PDE4C: variants seen among roughly 807,000 people sequenced by gnomAD.
PDE4C encodes 3',5'-cyclic-AMP phosphodiesterase 4C.
Under a neutral mutation model 63.9 loss-of-function variants are expected in PDE4C, and 50 were observed. The ratio of observed to expected loss-of-function variants is 0.78; its 90% CI spans 0.62 to 0.99. The LOEUF is 0.99. PDE4C is among the 50% of genes least tolerant of loss of function. The probability of loss-of-function intolerance (pLI) is 0.00; values close to 1 mark genes in which losing one functional copy is unlikely to be tolerated. For missense variants in PDE4C, 777 were observed against 899.1 expected (o/e 0.86, Z 1.74); for synonymous variants, 377 against 385.1 (o/e 0.98, Z 0.25).
exon 15 of PDE4C, chr19:18,210,975 G>T (rs773127645): frequency 1.2e-6 from 2 of 1,613,938 alleles, no homozygotes; most frequent in South Asian, 2.2e-5. Flanking sequence ...GTCTGGGCCG[G>T]CTTCAGGGGA....
intron 1 of PDE4C, among the ~76,000 whole-genome samples, chr19:18,243,250 C>T (rs1188574650): frequency 6.6e-6 from 1 of 152,106 alleles, no homozygotes; most frequent in Non-Finnish European, 1.5e-5. Flanking sequence ...GCTGGGATTA[C>T]AGGTGCCCAC....
intron 2 of PDE4C, among the ~76,000 whole-genome samples, chr19:18,221,506 G>A (rs1968483357): frequency 6.6e-6 from 1 of 152,106 alleles, no homozygotes; most frequent in Non-Finnish European, 1.5e-5. Context: ...CATAAATGGG[G>A]AAACTGAGTC....
At chr19:18,243,163 A>G (rs1969073996) in intron 1 of PDE4C, among the ~76,000 whole-genome samples, 1 of 152,088 alleles carries the variant, frequency 6.6e-6, no homozygotes, top group Admixed American at 6.6e-5. Context: ...GCTGTAGTGT[A>G]ATGGCACAGT....
chr19:18,241,955 T>C (rs1203336450), intron 1 of PDE4C, among the ~76,000 whole-genome samples: 4 of 152,176 alleles, frequency 2.6e-5, no homozygotes, highest in Non-Finnish European at 4.4e-5. Flanking sequence ...AAAAAATAAT[T>C]CACCTCGTGT....
upstream of PDE4C, chr19:18,252,328 G>T (rs1417699362): frequency 1.8e-5 from 7 of 398,950 alleles, no homozygotes; most frequent in Non-Finnish European, 2.7e-5. Flanking sequence ...GGGCTGAGGT[G>T]GGTTATGGAG....
the PDE4C span, among the ~76,000 whole-genome samples, chr19:18,254,871 AC>A: frequency 4.0e-4 from 61 of 152,030 alleles, 1 homozygote; most frequent in African/African-American, 1.4e-3. Context: ...GTTCCCTGGA[AC>A]CCCCATGGCC....
At chr19:18,251,324 C>G (rs1166652719), upstream of PDE4C, among the ~76,000 whole-genome samples, 1 of 151,572 alleles carries the variant, frequency 6.6e-6, no homozygotes, top group African/African-American at 2.4e-5. Context: ...CGGGGTTTCA[C>G]CATGTTGGCC....
chr19:18,216,712 TC>T, intron 12 of PDE4C, 28 bp downstream of exon 12: 1 of 1,119,906 alleles, frequency 8.9e-7, no homozygotes, highest in Non-Finnish European at 1.3e-6. Context: ...CCTCTGCCCC[TC>T]CCGCCCCGCT....
chr19:18,208,550 G>A (rs1967792099), downstream of PDE4C: 1 of 151,696 alleles, frequency 6.6e-6, no homozygotes, highest in Non-Finnish European at 1.5e-5. Flanking sequence ...GCTAACATTG[G>A]GCGCCCAGAT....
rs58953650 is a variant in PDE4C, at chr19:18,245,146, TTTTGTTTGTTTGTTTGTTTG to T, written c.-210+3005_-210+3024del. ...CACTGTGCCTAGCCTGTTGTTGGTT[TTTTGTTTGTTTGTTTGTTTG>T]TTTGTTTGTTTGTTTGAGACAGAGT... On this transcript the variant is annotated intron_variant, in intron 1 of 15. Transcript: ENST00000594617. Among the ~76,000 whole-genome samples, 5 of 148,506 alleles carry T rather than the reference TTTTGTTTGTTTGTTTGTTTG, an allele frequency of 3.4e-5. No homozygotes were observed. In the South Asian group the frequency reaches 8.6e-4, roughly 26 times the overall value.
At chr19:18,217,158 G>GTTTTT in intron 11 of PDE4C, 1 of 262,118 alleles carries the variant, frequency 3.8e-6, no homozygotes, top group Non-Finnish European at 7.1e-6. Context: ...ACTCAGTAAT[G>GTTTTT]TTTTTTTTTT....
In PDE4C at chr19:18,216,739, AC is replaced by A; in HGVS notation, c.1389+1del. On this transcript the variant is annotated splice_donor_variant, in intron 12 of 14. Coordinates refer to ENST00000262805, the Ensembl canonical transcript of PDE4C. LOFTEE classifies it high-confidence loss of function. ...CCGCCCCGCTTACTGCCCTGGCCTC[AC>A]CATGTCAATGACCATCCTGCGCAGA... 2 of 1,600,354 alleles carry A rather than the reference AC, an allele frequency of 1.2e-6. No homozygotes were observed. Among genetic ancestry groups the A allele is most frequent in the Non-Finnish European group, 1.7e-6 (2 of 1,171,680 alleles).
chr19:18,226,154 C>G lies in PDE4C; in HGVS notation c.146+116G>C, dbSNP rs1968710270. 4.8e-5 allele frequency: 38 copies of G among 789,268 alleles called. No individual in the cohort carries two copies. The South Asian group carries it at 5.8e-4, about 12-fold the overall frequency. 48.9% of individuals were successfully genotyped at this position (789,268 alleles called of 1,614,324 possible). ...GAAAGCGAGGGAGAGGCAGAGCGTCCAAGCCCGGACTCCGGCCCCGGCCCC... is the reference window on the plus strand; with the variant it reads ...GAAAGCGAGGGAGAGGCAGAGCGTCGAAGCCCGGACTCCGGCCCCGGCCCC... On this transcript the variant is annotated intron_variant, in intron 1 of 14. Transcript: ENST00000262805.
chr19:18,221,134 A>G, exon 4 of PDE4C: 2 of 1,425,908 alleles, frequency 1.4e-6, no homozygotes, highest in Non-Finnish European at 1.9e-6. Context: ...GCTGGCGGGC[A>G]AGGGCCGCCA....
intron 12 of PDE4C, among the ~76,000 whole-genome samples, chr19:18,214,609 C>T (rs1968109305): frequency 1.3e-5 from 2 of 152,004 alleles, no homozygotes; most frequent in Admixed American, 6.6e-5. Context: ...TCCATGTAGC[C>T]ACCATGTGCC....
chr19:18,222,632 CTTT>C (rs369848710), intron 1 of PDE4C, among the ~76,000 whole-genome samples: 1 of 126,652 alleles, frequency 7.9e-6, no homozygotes, highest in Non-Finnish European at 1.6e-5. Flanking sequence ...TTCTCTCTTT[CTTT>C]TTTTTTTTTC....
exon 15 of PDE4C, chr19:18,211,029 G>C: frequency 6.2e-7 from 1 of 1,614,230 alleles, no homozygotes; most frequent in South Asian, 1.1e-5. Flanking sequence ...TTTGGCTAAA[G>C]CTGTCTCTTC....
In PDE4C at chr19:18,226,236, C is replaced by T. The variant is rs772345872; in HGVS notation, c.146+34G>A. 2.8e-5 allele frequency: 42 copies of T among 1,524,886 alleles called. No homozygotes were observed. The Admixed American group carries it at 7.6e-4, about 28-fold the overall frequency. 94.5% of individuals were successfully genotyped at this position (1,524,886 alleles called of 1,614,324 possible). On this transcript the variant is annotated intron_variant, in intron 1 of 14. Coordinates refer to ENST00000262805, the Ensembl canonical transcript of PDE4C. Reference sequence around the variant, plus strand: ...CTTCCCACCTCCACACCGGGCGTCCCGGTGACCCCGCCAGGCCCTCTGTCC... The same window carrying T: ...CTTCCCACCTCCACACCGGGCGTCCTGGTGACCCCGCCAGGCCCTCTGTCC...
At chr19:18,231,438 C>G (rs57635161), upstream of PDE4C, among the ~76,000 whole-genome samples, 3 of 152,180 alleles carry the variant, frequency 2.0e-5, no homozygotes, top group African/African-American at 7.2e-5. Context: ...GAAGGAGGAA[C>G]TAGAAGCCGG....
Sources: gnomAD v4.1 joint callset for allele counts (sites outside exome capture counted in the v4.1 genomes callset) on GRCh38, gnomAD v4.1.1 for gene constraint, MANE v1.5 for transcripts, NCBI Gene and HGNC (gene_info 2026-07-23, HGNC 2026-07-21) for gene names.